ZMYM4: variants seen among roughly 807,000 people sequenced by gnomAD.
The protein encoded by ZMYM4 is zinc finger MYM-type containing 4, also known as zinc finger MYM-type protein 4.
In ZMYM4, 31 loss-of-function variants were observed where a neutral mutation model predicts 183.2. The observed-to-expected ratio is 0.17, with a 90% CI of 0.13 to 0.23. The LOEUF is 0.23. ZMYM4 is among the 10% of genes least tolerant of loss of function. The pLI, the probability that ZMYM4 is intolerant of heterozygous loss-of-function variation, is 1.00. For missense variants in ZMYM4, 1,273 were observed against 1,840.3 expected (o/e 0.69, Z 5.64); for synonymous variants, 592 against 631.2 (o/e 0.94, Z 0.93).
chr1:35,377,386 G>A (rs1397931484), intron 7 of ZMYM4, among the ~76,000 whole-genome samples: 1 of 152,182 alleles, frequency 6.6e-6, no homozygotes, highest in African/African-American at 2.4e-5. Flanking sequence ...AGATGGCAAG[G>A]TATGGAGTTA....
intron 1 of ZMYM4, among the ~76,000 whole-genome samples, chr1:35,293,860 T>A (rs1640880257): frequency 6.6e-6 from 1 of 152,070 alleles, no homozygotes; most frequent in African/African-American, 2.4e-5. Flanking sequence ...CTTGAATTAT[T>A]TAAGAATCAG....
intron 1 of ZMYM4, among the ~76,000 whole-genome samples, chr1:35,287,895 C>T (rs928477824): frequency 7.2e-5 from 11 of 152,170 alleles, no homozygotes; most frequent in Non-Finnish European, 1.2e-4. Flanking sequence ...TGAGCCCCCA[C>T]TCCCGGCCTA....
At chr1:35,351,460 G>A (rs999905268) in intron 2 of ZMYM4, 64 of 1,570,480 alleles carry the variant, frequency 4.1e-5, no homozygotes, top group East Asian at 3.6e-4. Context: ...GCTGCTATAC[G>A]AGAGAATCCA....
chr1:35,274,599 G>T (rs1639774876), intron 1 of ZMYM4, among the ~76,000 whole-genome samples: 1 of 141,002 alleles, frequency 7.1e-6, no homozygotes, highest in African/African-American at 2.7e-5. Context: ...GAGCAAGAGA[G>T]ACACTGTTTT....
chr1:35,370,684 T>C, intron 7 of ZMYM4, 57 bp downstream of exon 7: 3 of 1,467,160 alleles, frequency 2.0e-6, no homozygotes, highest in South Asian at 1.5e-5. Flanking sequence ...TAACATACTT[T>C]GTTCTTAGGT....
chr1:35,377,077 T>C (rs1644351285), intron 7 of ZMYM4, among the ~76,000 whole-genome samples: 1 of 151,966 alleles, frequency 6.6e-6, no homozygotes, highest in Non-Finnish European at 1.5e-5. Context: ...CGGCTAATTT[T>C]TGTATTTATA....
At chr1:35,293,485 T>C (rs189185546) in intron 1 of ZMYM4, among the ~76,000 whole-genome samples, 1 of 151,984 alleles carries the variant, frequency 6.6e-6, no homozygotes, top group Non-Finnish European at 1.5e-5. Context: ...TGGCTAATAT[T>C]TGTATTGTTA....
At chr1:35,337,277 G>A (rs922645590) in intron 2 of ZMYM4, among the ~76,000 whole-genome samples, 10 of 152,032 alleles carry the variant, frequency 6.6e-5, no homozygotes, top group African/African-American at 2.4e-4. Flanking sequence ...CAGGGGAATC[G>A]CTTGAACCTG....
At chr1:35,323,381 GA>G in intron 1 of ZMYM4, among the ~76,000 whole-genome samples, 1 of 152,280 alleles carries the variant, frequency 6.6e-6, no homozygotes, top group East Asian at 1.9e-4. Flanking sequence ...AGAGTCATGA[GA>G]AATATTGTAT....
In ZMYM4 at chr1:35,370,618, G is replaced by A. The variant is rs1644184172; in HGVS notation, c.1172G>A (p.Ser391Asn). ...CCTCTCACCAAGAAAACTTGTTCAA[G>A]TTGCTCAAAGTATAGCAGAATTCTA... ...PPPLTKKTCS[S>N]CSKDILNPKD... Residue 391 changes from serine to asparagine, a missense_variant, in exon 7 of 30, where the codon AGT (serine) becomes AAT (asparagine). By Grantham distance (46) the Ser-to-Asn change is conservative. Around this residue, in one of 6 missense-constraint regions of ZMYM4, gnomAD observed 384 missense variants for 465.6 expected, o/e 0.82. Transcript: ENST00000314607. The A allele has an allele frequency of 1.2e-6, 2 of 1,603,174 alleles. No individual in the cohort carries two copies. The highest frequency in any genetic ancestry group is 8.5e-7 in the Non-Finnish European group (1 of 1,173,886).
chr1:35,299,031 G>GTTT (rs75810224), intron 1 of ZMYM4, among the ~76,000 whole-genome samples: 76 of 135,342 alleles, frequency 5.6e-4, no homozygotes, highest in African/African-American at 1.6e-3. Flanking sequence ...AGTTTTGAAA[G>GTTT]TTTTTTTTTT....
chr1:35,381,834 A>G, intron 9 of ZMYM4, 76 bp downstream of exon 9: 1 of 1,546,974 alleles, frequency 6.5e-7, no homozygotes, highest in East Asian at 2.2e-5. Flanking sequence ...TTATTTATGA[A>G]AATGTTGTTT....
At chr1:35,337,191 T>G (rs1643010660) in intron 2 of ZMYM4, among the ~76,000 whole-genome samples, 1 of 151,932 alleles carries the variant, frequency 6.6e-6, no homozygotes, top group African/African-American at 2.4e-5. Context: ...AAACCCCATC[T>G]CCGCTAAAAA....
chr1:35,393,526 A>G (rs1410870064), intron 17 of ZMYM4, 69 bp from the exon 18 acceptor site: 30 of 1,362,760 alleles, frequency 2.2e-5, no homozygotes, highest in Non-Finnish European at 2.8e-5. Context: ...CTTTAATATT[A>G]TAATATTTCT....
At chr1:35,370,782 AGTT>A in intron 7 of ZMYM4, 155 bp downstream of exon 7, 4 of 861,598 alleles carry the variant, frequency 4.6e-6, no homozygotes, top group Non-Finnish European at 5.8e-6. Context: ...GTCTGCTTTC[AGTT>A]GTTGCTTTTC....
At chr1:35,296,418 A>G (rs983326942) in intron 1 of ZMYM4, among the ~76,000 whole-genome samples, 2 of 152,254 alleles carry the variant, frequency 1.3e-5, no homozygotes, top group Non-Finnish European at 2.9e-5. Flanking sequence ...TGCACCTCGT[A>G]TCAGTAAATT....
chr1:35,369,970 A>G (rs1185475255), intron 5 of ZMYM4, 59 bp from the exon 6 acceptor site: 1 of 1,245,090 alleles, frequency 8.0e-7, no homozygotes, highest in African/African-American at 1.5e-5. Context: ...GAATGTCTGG[A>G]TGTCTTTAGG....
At chr1:35,413,293 C>T (rs1476651345) in intron 26 of ZMYM4, among the ~76,000 whole-genome samples, 1 of 152,200 alleles carries the variant, frequency 6.6e-6, no homozygotes, top group Non-Finnish European at 1.5e-5. Context: ...GATCCTCTCA[C>T]CTTGGCCTCC....
rs34277367 is a variant in ZMYM4, at chr1:35,394,162, C to CTTTTTTT, written c.2911+447_2911+453dup. Among the ~76,000 whole-genome samples the CTTTTTTT allele has an allele frequency of 1.1e-3, 78 of 68,428 alleles. 4 individuals are homozygous for CTTTTTTT. The highest frequency in any genetic ancestry group is 1.6e-3 in the Non-Finnish European group (58 of 36,970). The allele number at this position is 68,428 out of a possible 152,430, so 44.9% of individuals were successfully genotyped here. A position where few individuals can be genotyped will look rare whatever the true frequency, so the allele number is the denominator to read the frequency against. ...CCTTTGAGGAGAGCTTCAGAGCTTT[C>CTTTTTTT]TTTTTTTTTTTTTTTTTTTTTTTTT... On this transcript the variant is annotated intron_variant, in intron 18 of 29. Transcript: ENST00000314607.
Sources: gnomAD v4.1 joint callset for allele counts (sites outside exome capture counted in the v4.1 genomes callset) on GRCh38, gnomAD v4.1.1 for gene constraint, gnomAD v4.1.1 regional missense constraint, MANE v1.5 for transcripts, NCBI Gene and HGNC (gene_info 2026-07-23, HGNC 2026-07-21) for gene names.